Variants in PLA2G6 observed in about 807,000 individuals in gnomAD.
PLA2G6 encodes 85/88 kDa calcium-independent phospholipase A2.
In PLA2G6, 62 loss-of-function variants were observed where a neutral mutation model predicts 83.8. The ratio of observed to expected loss-of-function variants is 0.74; its 90% CI spans 0.60 to 0.91. The LOEUF (loss-of-function observed/expected upper bound fraction) is 0.91. Ranked by LOEUF, PLA2G6 falls within the 40% of genes least tolerant of loss-of-function variation. The probability of loss-of-function intolerance (pLI) is 0.00; values close to 1 mark genes in which losing one functional copy is unlikely to be tolerated. For synonymous variants in PLA2G6, 417 were observed against 449.8 expected (o/e 0.93, Z 0.92); for missense variants, 944 against 1,102.0 (o/e 0.86, Z 2.03).
chr22:38,168,633 T>C (rs2090314558), intron 2 of PLA2G6, among the ~76,000 whole-genome samples: 1 of 152,214 alleles, frequency 6.6e-6, no homozygotes, highest in Admixed American at 6.5e-5. Context: ...GCAGATCACC[T>C]GAGGTCAGGA....
At chr22:38,146,114 C>A (rs548537647) in intron 2 of PLA2G6, 4 of 201,530 alleles carry the variant, frequency 2.0e-5, no homozygotes, top group African/African-American at 9.3e-5. Context: ...CACCTCACTG[C>A]GACCTTCACC....
rs1247371567 is a variant in PLA2G6 at position 38,181,777 on chromosome 22, C to G, written c.-159G>C. The stretch of plus-strand genomic sequence containing the variant: ...CCCAGGCCCCGCCCACCCGCGAGGT[C>G]ACTCACCTCGGCTTACTCAGCACTT... On this transcript the variant is annotated 5_prime_UTR_variant, in exon 1 of 17. Coordinates refer to ENST00000332509, the MANE Select transcript of PLA2G6 (RefSeq NM_003560.4). 6.6e-6 allele frequency: 1 copy of G among 152,282 alleles called. No homozygotes were observed. Among genetic ancestry groups the G allele is most frequent in the Admixed American group, 6.5e-5 (1 of 15,278 alleles). The allele number at this position is 152,282 out of a possible 1,614,324, so 9.4% of individuals were successfully genotyped here.
rs370306404 is a variant in PLA2G6 at position 38,112,082 on chromosome 22, G to A, written c.*79C>T. ...GAGGTGCCTGGGCCCAGATCTGCCC[G>A]GGAGGGCAGTGGCTGGGCTTGGCCT... On this transcript the variant is annotated 3_prime_UTR_variant, in exon 17 of 17. Transcript: ENST00000332509. 9.4e-6 allele frequency: 14 copies of A among 1,487,426 alleles called. No individual in the cohort carries two copies. Among genetic ancestry groups the A allele is most frequent in the East Asian group, 2.5e-5 (1 of 40,690 alleles). The allele number at this position is 1,487,426 out of a possible 1,614,324, so 92.1% of individuals were successfully genotyped here.
intron 1 of PLA2G6, among the ~76,000 whole-genome samples, chr22:38,180,140 G>GACACACACACACAC (rs133028): frequency 2.9e-5 from 4 of 137,916 alleles, no homozygotes; most frequent in South Asian, 2.4e-4. Flanking sequence ...GATGTCTGCA[G>GACACACACACACAC]ACACACACAC....
intron 2 of PLA2G6, among the ~76,000 whole-genome samples, chr22:38,151,302 A>C (rs373746681): frequency 6.6e-6 from 1 of 151,380 alleles, no homozygotes; most frequent in Non-Finnish European, 1.5e-5. Context: ...GCTGGAGTGC[A>C]GTGGTGCAAT....
intron 3 of PLA2G6, 38 bp from the exon 4 acceptor site, chr22:38,143,326 T>A (rs546696419): frequency 2.7e-5 from 44 of 1,600,436 alleles, no homozygotes; most frequent in Non-Finnish European, 3.7e-5. Context: ...GGTGAGCAGG[T>A]GTGGTACAAG....
rs561645994 is a variant in PLA2G6 at position 38,115,533 on chromosome 22, G to A, written c.2028C>T (p.Ile676=). The A allele has an allele frequency of 1.2e-6, 2 of 1,613,074 alleles. No individual in the cohort carries two copies. The highest frequency in any genetic ancestry group is 1.7e-6 in the Non-Finnish European group (2 of 1,179,706). Residue 676 remains isoleucine, a synonymous_variant, in exon 14 of 17, where the codon ATC becomes ATT. Coordinates refer to ENST00000332509, the MANE Select transcript of PLA2G6 (RefSeq NM_003560.4). Reference sequence around the variant, plus strand: ...TCTGGCCTACGGCACTCACCTTGCGGATCAGGTCCTGATTGTACTCATGGA... The same window carrying A: ...TCTGGCCTACGGCACTCACCTTGCGAATCAGGTCCTGATTGTACTCATGGA... ...TEIHEYNQDL[I]RKGQANKVKK... is the part of the protein sequence containing the mutation.
rs960102817 is a variant in PLA2G6 at position 38,126,310 on chromosome 22, T to G, written c.1427+61A>C. The G allele has an allele frequency of 4.7e-6, 6 of 1,272,968 alleles. No individual in the cohort carries two copies. In the African/African-American group the frequency reaches 7.3e-5, roughly 16 times the overall value. The allele number at this position is 1,272,968 out of a possible 1,614,324, so 78.9% of individuals were successfully genotyped here. A position where few individuals can be genotyped will look rare whatever the true frequency, so the allele number is the denominator to read the frequency against. ...AAAGCCCTGAGCCCACAACAGGGGG[T>G]GGGTGAGGGGCAGGAAAGCGCACAC... is the stretch of plus-strand genomic sequence containing the variant. On this transcript the variant is annotated intron_variant, in intron 10 of 16. Transcript: ENST00000332509.
intron 2 of PLA2G6, among the ~76,000 whole-genome samples, chr22:38,158,166 TTTTC>T (rs1055806387): frequency 6.6e-6 from 1 of 150,396 alleles, no homozygotes; most frequent in Non-Finnish European, 1.5e-5. Flanking sequence ...TTTCTTTTTC[TTTTC>T]TTTTTTTTTT....
At chr22:38,143,638 G>C in intron 3 of PLA2G6, 1 of 404,078 alleles carries the variant, frequency 2.5e-6, no homozygotes, top group Non-Finnish European at 4.7e-6. Flanking sequence ...TATCCTTATC[G>C]ACACAAGCTG....
chr22:38,173,628 G>T (rs1028188561), intron 1 of PLA2G6, among the ~76,000 whole-genome samples: 19 of 152,206 alleles, frequency 1.2e-4, no homozygotes, highest in African/African-American at 4.6e-4. Context: ...GACTGACAGA[G>T]AGTGTGCTGG....
intron 12 of PLA2G6, among the ~76,000 whole-genome samples, chr22:38,118,424 C>T (rs2087333979): frequency 6.6e-6 from 1 of 152,202 alleles, no homozygotes; most frequent in Non-Finnish European, 1.5e-5. Context: ...TTCGTTTCTT[C>T]TGTTGGGCCT....
chr22:38,156,607 C>T (rs1190743936), intron 2 of PLA2G6, among the ~76,000 whole-genome samples: 2 of 152,088 alleles, frequency 1.3e-5, no homozygotes, highest in Non-Finnish European at 2.9e-5. Context: ...GCACCTGCCA[C>T]CATGCCTGGC....
At chr22:38,125,924 C>T (rs923818962) in intron 10 of PLA2G6, among the ~76,000 whole-genome samples, 1 of 152,190 alleles carries the variant, frequency 6.6e-6, no homozygotes, top group African/African-American at 2.4e-5. Flanking sequence ...TCACCCAGGC[C>T]CGCCTCTTAC....
In PLA2G6 at chr22:38,163,899, A is replaced by G. The variant is rs112174653; in HGVS notation, c.209+5319T>C. Among the ~76,000 whole-genome samples, 13 of 152,086 alleles carry G rather than the reference A, an allele frequency of 8.5e-5. 1 individual carries two copies. The highest frequency in any genetic ancestry group is 3.1e-4 in the African/African-American group (13 of 41,468). On this transcript the variant is annotated intron_variant, in intron 2 of 16. Transcript: ENST00000332509. ...GGACACAGGGCACTCCACTTATCTG[A>G]GGTTTCTGATAAGCAGTTTTATGGC...
intron 9 of PLA2G6, 190 bp from the exon 10 acceptor site, chr22:38,126,639 A>G (rs2087877683): frequency 3.2e-6 from 2 of 624,630 alleles, no homozygotes; most frequent in East Asian, 2.9e-5. Flanking sequence ...CACAGGCCAC[A>G]GGAGAGAAAT....
intron 2 of PLA2G6, among the ~76,000 whole-genome samples, chr22:38,157,462 T>C (rs2089829265): frequency 6.6e-6 from 1 of 152,138 alleles, no homozygotes; most frequent in South Asian, 2.1e-4. Context: ...AAAGCTGTAA[T>C]GAAAAGTCTC....
Position 38,123,097 on chromosome 22 carries a change from T to C in PLA2G6, c.1589A>G (p.His530Arg), listed in dbSNP as rs2087618064. The change falls in exon 11 of 17, where the codon CAC becomes CGC. Residue 530 changes from histidine to arginine, a missense_variant and splice_region_variant. His to Arg is a conservative substitution (Grantham distance 29, BLOSUM62 0). Transcript: ENST00000332509. The surrounding 1 kb of genome is among the most constrained non-coding windows in gnomAD (Gnocchi z 4.1). ...CCATCCCCAGGGGCCGCCCTCACTGTGCAGAATGGCCAGGGCCAGGATGCC... is the reference window on the plus strand; with the variant it reads ...CCATCCCCAGGGGCCGCCCTCACTGCGCAGAATGGCCAGGGCCAGGATGCC... ...TGGILALAIL[H>R]SKSMAYMRGM... 1 of 1,548,760 alleles carries C rather than the reference T, an allele frequency of 6.5e-7. No homozygotes were observed. The highest frequency in any genetic ancestry group is 2.0e-5 in the Admixed American group (1 of 51,014).
intron 2 of PLA2G6, chr22:38,145,877 T>A: frequency 1.8e-6 from 1 of 557,698 alleles, no homozygotes; most frequent in Non-Finnish European, 3.3e-6. Flanking sequence ...TAGGTTAGAC[T>A]TTCTTTGTTT....
Sources: gnomAD v4.1 joint callset for allele counts (sites outside exome capture counted in the v4.1 genomes callset) on GRCh38, gnomAD v4.1.1 for gene constraint, Gnocchi (gnomAD v3.1) non-coding constraint, MANE v1.5 for transcripts, NCBI Gene and HGNC (gene_info 2026-07-23, HGNC 2026-07-21) for gene names.